Variants in MTSS2 observed in about 807,000 individuals in gnomAD.
MTSS2 encodes the protein MTSS I-BAR domain containing 2.
Under a neutral mutation model 67.1 loss-of-function variants are expected in MTSS2, and 27 were observed. The ratio of observed to expected loss-of-function variants is 0.40; its 90% CI spans 0.30 to 0.55. MTSS2 has a LOEUF of 0.55. Ranked by LOEUF, MTSS2 falls within the 20% of genes least tolerant of loss-of-function variation. The probability of loss-of-function intolerance (pLI) is 0.43; values close to 1 mark genes in which losing one functional copy is unlikely to be tolerated. For missense variants in MTSS2, 1,171 were observed against 1,067.8 expected (o/e 1.10, Z -1.35); for synonymous variants, 624 against 468.6 (o/e 1.33, Z -4.28).
intron 10 of MTSS2, among the ~76,000 whole-genome samples, chr16:70,676,350 C>T (rs2053116032): frequency 1.3e-5 from 2 of 152,238 alleles, no homozygotes; most frequent in Non-Finnish European, 2.9e-5. Flanking sequence ...AATGCGGCAG[C>T]TGCCTCCATG....
Position 70,664,948 on chromosome 16 carries a change from C to G in MTSS2, c.1277G>C (p.Arg426Pro). Residue 426 changes from arginine to proline, a missense_variant, in exon 13 of 15, where the codon CGG (arginine) becomes CCG (proline). Arg to Pro is a moderately radical substitution (Grantham distance 103). Coordinates refer to ENST00000338779, the MANE Select transcript of MTSS2 (RefSeq NM_138383.3). ...GGCTGCGATGGTGGCAGGGGACATC[C>G]GGGGTCGCGGTGCCTCTTCCCCGCT... is the stretch of plus-strand genomic sequence containing the variant. ...GPSGEEAPRP[R>P]MSPATIAAKH... is the part of the protein sequence containing the mutation. 1 of 1,561,350 alleles carries G rather than the reference C, an allele frequency of 6.4e-7. No homozygotes were observed. The highest frequency in any genetic ancestry group is 1.2e-5 in the South Asian group (1 of 85,778).
At chr16:70,678,447 C>T in intron 7 of MTSS2, 38 bp from the exon 8 acceptor site, 4 of 1,582,494 alleles carry the variant, frequency 2.5e-6, no homozygotes, top group Non-Finnish European at 2.6e-6. Flanking sequence ...CTGGGGATGC[C>T]AGCCTGGCTT....
At chr16:70,667,342 AG>A (rs56354869) in intron 11 of MTSS2, among the ~76,000 whole-genome samples, 147,096 of 149,068 alleles carry the variant, frequency 0.99, 72,585 homozygotes, top group Middle Eastern at 1. Context: ...TAGAATATTA[AG>A]AAAGAATCTA....
At chr16:70,664,561 A>G in intron 14 of MTSS2, 37 bp downstream of exon 14, 2 of 1,602,660 alleles carry the variant, frequency 1.2e-6, no homozygotes, top group Non-Finnish European at 1.7e-6. Context: ...GCTAAGTCCC[A>G]GCTGTCCCTG....
chr16:70,685,337 G>A (rs1447832771), intron 1 of MTSS2, among the ~76,000 whole-genome samples: 1 of 152,192 alleles, frequency 6.6e-6, no homozygotes, highest in Admixed American at 6.5e-5. Flanking sequence ...GGGCTCCGGG[G>A]CCGTGGGGGA....
intron 9 of MTSS2, 118 bp downstream of exon 9, chr16:70,677,674 A>G: frequency 1.3e-6 from 1 of 760,110 alleles, no homozygotes. Flanking sequence ...GTCTGGTCTT[A>G]TGCCCCTAGC....
Position 70,661,558 on chromosome 16 carries a change from C to CAA in MTSS2, c.*2117_*2118dup, listed in dbSNP as rs2052471541. ...TAAACGAACGTAAAGTCCCCCAAAC[C>CAA]AAAGTTTGTGATGTGGGATGGTTGG... On this transcript the variant is annotated 3_prime_UTR_variant, in exon 15 of 15. Transcript: ENST00000338779. 1 of 351,502 alleles carries CAA rather than the reference C, an allele frequency of 2.8e-6. No homozygotes were observed. Among genetic ancestry groups the CAA allele is most frequent in the South Asian group, 2.1e-5 (1 of 46,512 alleles). 21.8% of individuals were successfully genotyped at this position (351,502 alleles called of 1,614,324 possible).
intron 11 of MTSS2, among the ~76,000 whole-genome samples, chr16:70,671,072 G>A (rs1349995190): frequency 6.6e-6 from 1 of 151,602 alleles, no homozygotes; most frequent in East Asian, 1.9e-4. Flanking sequence ...CAGGAGTGGT[G>A]GTTATCCTGC....
rs983062848 is a variant in MTSS2 at position 70,662,088 on chromosome 16, C to T, written c.*1589G>A. 1.3e-5 allele frequency: 2 copies of T among 152,286 alleles called. No homozygotes were observed. The highest frequency in any genetic ancestry group is 1.5e-5 in the Non-Finnish European group (1 of 68,172). The allele number at this position is 152,286 out of a possible 1,614,324, so 9.4% of individuals were successfully genotyped here. ...CCCTCTGATGGGACTCTGTCCACAT[C>T]AGGGCCTGCTTGGTGCCCGGACCTA... On this transcript the variant is annotated 3_prime_UTR_variant, in exon 15 of 15. Coordinates refer to ENST00000338779, the MANE Select transcript of MTSS2 (RefSeq NM_138383.3).
In MTSS2 at chr16:70,674,785, A is replaced by T. The variant is rs149800770; in HGVS notation, c.831-257T>A. The stretch of plus-strand genomic sequence containing the variant: ...CCGTGGTCAGGGAATGCCCAGGGTG[A>T]GGCAACCTCTCTGCCTCCTATTCTG... On this transcript the variant is annotated intron_variant, in intron 10 of 14. Coordinates refer to ENST00000338779, the MANE Select transcript of MTSS2 (RefSeq NM_138383.3). Among the ~76,000 whole-genome samples, 795 of 152,286 alleles carry T rather than the reference A, an allele frequency of 5.2e-3. 4 individuals carry two copies. Among genetic ancestry groups the T allele is most frequent in the Middle Eastern group, 0.017 (5 of 294 alleles).
intron 9 of MTSS2, among the ~76,000 whole-genome samples, 177 bp downstream of exon 9, chr16:70,677,615 C>G (rs2053161988): frequency 6.6e-6 from 1 of 152,186 alleles, no homozygotes; most frequent in South Asian, 2.1e-4. Flanking sequence ...CATACCCTCC[C>G]CGACCTGGGC....
At chr16:70,680,543 T>C (rs945968960) in intron 3 of MTSS2, among the ~76,000 whole-genome samples, 2 of 151,354 alleles carry the variant, frequency 1.3e-5, no homozygotes, top group Non-Finnish European at 2.9e-5. Flanking sequence ...TGCTGGGGGG[T>C]CACATGAACA....
At chr16:70,665,633 AT>A in intron 11 of MTSS2, 93 bp from the exon 12 acceptor site, 1 of 1,112,012 alleles carries the variant, frequency 9.0e-7, no homozygotes, top group Non-Finnish European at 1.3e-6. Flanking sequence ...CAGAGCTGGC[AT>A]GCAGGGGGGC....
In MTSS2 at chr16:70,661,345, G is replaced by A. The variant is rs1567473630; in HGVS notation, c.*2332C>T. ...GAATTTTTCCAAAATCTGACGGAAA[G>A]AAAAGAAACAAATGGTTCAGATGGG... On this transcript the variant is annotated 3_prime_UTR_variant, in exon 15 of 15. Coordinates refer to ENST00000338779, the MANE Select transcript of MTSS2 (RefSeq NM_138383.3). 1 of 390,514 alleles carries A rather than the reference G, an allele frequency of 2.6e-6. No individual in the cohort carries two copies. Among genetic ancestry groups the A allele is most frequent in the Non-Finnish European group, 4.8e-6 (1 of 208,580 alleles). The allele number at this position is 390,514 out of a possible 1,614,324, so 24.2% of individuals were successfully genotyped here. A position where few individuals can be genotyped will look rare whatever the true frequency, so the allele number is the denominator to read the frequency against.
At position 70,677,788 on chromosome 16, in the gene MTSS2, G is replaced by A. The variant is rs779558691; in HGVS notation, c.732+4C>T. ...CCTGGCCCTTGGCCAGAGGGCTCCC[G>A]CACCTGCTCGCTGGCGGGAGGCAGT... On this transcript the variant is annotated splice_donor_region_variant and intron_variant, in intron 9 of 14. Transcript: ENST00000338779. 2.2e-5 allele frequency: 36 copies of A among 1,605,162 alleles called. No homozygotes were observed. The highest frequency in any genetic ancestry group is 1.7e-4 in the Middle Eastern group (1 of 6,046).
rs1555507146 is a variant in MTSS2 at position 70,661,221 on chromosome 16, C to T, written c.*2456G>A. The T allele has an allele frequency of 2.2e-6, 1 of 454,104 alleles. No homozygotes were observed. Among genetic ancestry groups the T allele is most frequent in the African/African-American group, 2.0e-5 (1 of 49,764 alleles). The allele number at this position is 454,104 out of a possible 1,614,324, so 28.1% of individuals were successfully genotyped here. A position where few individuals can be genotyped will look rare whatever the true frequency, so the allele number is the denominator to read the frequency against. ...GGCAGGGGTGTTAATTACAGTACAC[C>T]TTTATTAATACTGGAATCTTCACAG... On this transcript the variant is annotated 3_prime_UTR_variant, in exon 15 of 15. Coordinates refer to ENST00000338779, the MANE Select transcript of MTSS2 (RefSeq NM_138383.3).
chr16:70,680,346 T>A (rs777495009), intron 3 of MTSS2, among the ~76,000 whole-genome samples: 1 of 152,066 alleles, frequency 6.6e-6, no homozygotes, highest in African/African-American at 2.4e-5. Context: ...ACCCTCCAGG[T>A]GTGCCCAGAT....
chr16:70,682,394 C>T (rs544873845), intron 1 of MTSS2, among the ~76,000 whole-genome samples: 2 of 151,770 alleles, frequency 1.3e-5, no homozygotes, highest in East Asian at 3.9e-4. Context: ...CGCCTGGACC[C>T]CCACCCCCAC....
chr16:70,684,812 A>G (rs933939756), intron 1 of MTSS2, among the ~76,000 whole-genome samples: 5 of 152,176 alleles, frequency 3.3e-5, no homozygotes, highest in African/African-American at 1.2e-4. Context: ...TAGTCAGCGT[A>G]GGGCAGCCCT....
Sources: gnomAD v4.1 joint callset for allele counts (sites outside exome capture counted in the v4.1 genomes callset) on GRCh38, gnomAD v4.1.1 for gene constraint, MANE v1.5 for transcripts, NCBI Gene and HGNC (gene_info 2026-07-23, HGNC 2026-07-21) for gene names.